The following MTG2 variants were observed in gnomAD, a reference collection of about 807,000 sequenced individuals.
The protein encoded by MTG2 is mitochondrial ribosome-associated GTPase 2.
A neutral mutation model predicts 28.6 loss-of-function variants in MTG2; 23 were observed. That is an observed-to-expected ratio of 0.80 (90% confidence interval 0.58 to 1.14). MTG2 has a LOEUF of 1.14. MTG2 is among the 50% of genes most tolerant of loss of function. The pLI is 0.00. For missense variants in MTG2, 539 were observed against 552.0 expected, an observed-to-expected ratio of 0.98 and a Z score of 0.24; for synonymous variants, 260 against 251.8, an observed-to-expected ratio of 1.03 and a Z score of -0.31.
chr20:62,199,298 A>G, intron 6 of MTG2, 41 bp downstream of exon 6: 1 of 1,585,154 alleles, frequency 6.3e-7, no homozygotes, highest in East Asian at 2.3e-5. Context: ...GATTTAAATG[A>G]TGTAATTCAG....
chr20:62,196,021 C>T, intron 3 of MTG2, 72 bp downstream of exon 3: 1 of 1,563,206 alleles, frequency 6.4e-7, no homozygotes, highest in Non-Finnish European at 8.7e-7. Flanking sequence ...GAACTAAAAA[C>T]CTGATGTATG....
intron 1 of MTG2, among the ~76,000 whole-genome samples, chr20:62,185,518 T>A (rs1319088238): frequency 6.6e-6 from 1 of 152,160 alleles, no homozygotes; most frequent in African/African-American, 2.4e-5. Flanking sequence ...GTGCCTGTAA[T>A]CCCAGCTTCT....
chr20:62,199,216 A>T lies in MTG2; in HGVS notation c.785A>T (p.His262Leu). 1 of 1,614,178 alleles carries T rather than the reference A, an allele frequency of 6.2e-7. No individual in the cohort carries two copies. Among genetic ancestry groups the T allele is most frequent in the Non-Finnish European group, 8.5e-7 (1 of 1,180,024 alleles). Residue 262 changes from histidine to leucine, a missense_variant, in exon 6 of 7, where the codon CAC becomes CTC. Coordinates refer to ENST00000370823, the MANE Select transcript of MTG2 (RefSeq NM_015666.4). Reference protein sequence around the residue: ...ASYPFTTLKPHVGIVHYEGHL... With the variant: ...ASYPFTTLKPLVGIVHYEGHL... ...TACCCGTTCACCACCCTGAAGCCCCACGTCGGGATCGTCCACTACGAAGGC... is the reference window on the plus strand; with the variant it reads ...TACCCGTTCACCACCCTGAAGCCCCTCGTCGGGATCGTCCACTACGAAGGC...
At chr20:62,189,173 C>A (rs1372386988) in intron 1 of MTG2, among the ~76,000 whole-genome samples, 1 of 152,100 alleles carries the variant, frequency 6.6e-6, no homozygotes, top group Non-Finnish European at 1.5e-5. Context: ...GGCACAGTGG[C>A]ACTTACCTGT....
At chr20:62,197,513 T>G (rs1418170109) in intron 3 of MTG2, 2 of 169,944 alleles carry the variant, frequency 1.2e-5, no homozygotes, top group East Asian at 3.4e-4. Context: ...GCACGAGGCC[T>G]GTGTGGTGGG....
chr20:62,197,970 G>A lies in MTG2; in HGVS notation c.468+3G>A. On this transcript the variant is annotated splice_donor_region_variant and intron_variant, in intron 4 of 6. Coordinates refer to ENST00000370823, the MANE Select transcript of MTG2 (RefSeq NM_015666.4). ...GTGGCGCCGTCCTCTACATCCGGGT[G>A]AGCCGAGACTGCCGGACCTGGCCCT... 1 of 1,612,556 alleles carries A rather than the reference G, an allele frequency of 6.2e-7. No homozygotes were observed. Among genetic ancestry groups the A allele is most frequent in the African/African-American group, 1.3e-5 (1 of 75,042 alleles).
intron 1 of MTG2, among the ~76,000 whole-genome samples, chr20:62,183,791 T>G (rs1464281834): frequency 6.6e-6 from 1 of 152,220 alleles, no homozygotes; most frequent in Non-Finnish European, 1.5e-5. Context: ...TCAAATTGTT[T>G]TAAACGCAGG....
chr20:62,198,975 G>C (rs2058110853), intron 5 of MTG2, 123 bp downstream of exon 5: 2 of 1,536,650 alleles, frequency 1.3e-6, no homozygotes, highest in African/African-American at 2.7e-5. Context: ...TTTCCCATCA[G>C]TACACTGCTG....
chr20:62,198,650 T>C lies in MTG2; in HGVS notation c.485T>C (p.Leu162Pro). ...VLYIRVPVGT[L>P]VKEGGRVVAD... The stretch of plus-strand genomic sequence containing the variant: ...GTTCCCCAGGTCCCCGTGGGCACGC[T>C]GGTGAAGGAGGGAGGCAGAGTTGTG... The change falls in exon 5 of 7, where the codon CTG (leucine) becomes CCG (proline). Residue 162 changes from leucine to proline, a missense_variant. By Grantham distance (98) the Leu-to-Pro change is moderately conservative. Transcript: ENST00000370823. 6 of 1,613,886 alleles carry C rather than the reference T, an allele frequency of 3.7e-6. No homozygotes were observed. The highest frequency in any genetic ancestry group is 5.1e-6 in the Non-Finnish European group (6 of 1,179,930).
At chr20:62,187,836 CCTT>C (rs1281286915) in intron 1 of MTG2, among the ~76,000 whole-genome samples, 1 of 152,144 alleles carries the variant, frequency 6.6e-6, no homozygotes, top group African/African-American at 2.4e-5. Context: ...TTATTCTCCT[CCTT>C]CTACTCGACG....
intron 4 of MTG2, chr20:62,198,348 G>C (rs775105158): frequency 3.3e-5 from 18 of 552,516 alleles, no homozygotes; most frequent in Admixed American, 3.1e-5. Context: ...TCGTCTCTTA[G>C]ATGTTTTTTC....
At chr20:62,185,220 T>A (rs1193073581) in intron 1 of MTG2, among the ~76,000 whole-genome samples, 4 of 151,890 alleles carry the variant, frequency 2.6e-5, no homozygotes, top group Non-Finnish European at 5.9e-5. Context: ...AAGACCAGCC[T>A]GGCCAACATG....
At chr20:62,198,523 G>A in intron 4 of MTG2, 111 bp from the exon 5 acceptor site, 1 of 1,195,534 alleles carries the variant, frequency 8.4e-7, no homozygotes, top group Non-Finnish European at 1.2e-6. Context: ...AGCTGCCCGG[G>A]GCACAGTCCG....
At chr20:62,183,445 A>G (rs2145815628) in intron 1 of MTG2, among the ~76,000 whole-genome samples, 1 of 152,334 alleles carries the variant, frequency 6.6e-6, no homozygotes, top group South Asian at 2.1e-4. Context: ...AGTATTAAAC[A>G]TTTTAAAGTG....
intron 2 of MTG2, 30 bp downstream of exon 2, chr20:62,193,654 C>T: frequency 6.4e-7 from 1 of 1,574,322 alleles, no homozygotes; most frequent in Non-Finnish European, 8.6e-7. Context: ...AGCAGCTTGC[C>T]TGTCTCCTCC....
At chr20:62,195,010 C>T (rs1040916723) in intron 2 of MTG2, among the ~76,000 whole-genome samples, 1 of 152,184 alleles carries the variant, frequency 6.6e-6, no homozygotes, top group Non-Finnish European at 1.5e-5. Context: ...TCCTGGCCAA[C>T]ACGGTGAAAC....
intron 1 of MTG2, among the ~76,000 whole-genome samples, chr20:62,189,502 G>C (rs1227737442): frequency 6.6e-6 from 1 of 151,644 alleles, no homozygotes; most frequent in Non-Finnish European, 1.5e-5. Context: ...CAGGAGTCTT[G>C]CTATTTTGCC....
At chr20:62,198,936 T>A in intron 5 of MTG2, 84 bp downstream of exon 5, 1 of 1,579,064 alleles carries the variant, frequency 6.3e-7, no homozygotes, top group Non-Finnish European at 8.7e-7. Context: ...GCCAGTGGCC[T>A]GGAAGAGAAC....
At chr20:62,188,816 C>T (rs573634623) in intron 1 of MTG2, 2 of 151,352 alleles carry the variant, frequency 1.3e-5, no homozygotes, top group Non-Finnish European at 2.9e-5. Flanking sequence ...GTTTGTTGAC[C>T]CCACAGATAC....
Sources: allele counts gnomAD v4.1 joint callset (sites outside exome capture counted in the v4.1 genomes callset), GRCh38; gene constraint gnomAD v4.1.1; transcripts MANE v1.5; gene names NCBI Gene and HGNC (gene_info 2026-07-23, HGNC 2026-07-21).